The following CLDN16 variants were observed in gnomAD, a reference collection of about 807,000 sequenced individuals.
CLDN16 encodes the protein claudin-16.
A neutral mutation model predicts 24.6 loss-of-function variants in CLDN16; 13 were observed. That is an observed-to-expected ratio of 0.53 (90% confidence interval 0.34 to 0.84). The LOEUF is 0.84. CLDN16 is among the 40% of genes least tolerant of loss of function. The pLI is 0.01. For missense variants in CLDN16, 298 were observed against 292.7 expected, an observed-to-expected ratio of 1.02 and a Z score of -0.13; for synonymous variants, 116 against 106.7, an observed-to-expected ratio of 1.09 and a Z score of -0.54.
chr3:190,364,897 T>C (rs1717984538), intron 1 of CLDN16, among the ~76,000 whole-genome samples: 1 of 151,682 alleles, frequency 6.6e-6, no homozygotes, highest in African/African-American at 2.4e-5. Context: ...TTCGCTGACA[T>C]GGCAGACCCC....
chr3:190,388,075 C>G (rs1047717394), upstream of CLDN16: 2 of 1,579,112 alleles, frequency 1.3e-6, no homozygotes, highest in African/African-American at 2.7e-5. Flanking sequence ...ACACTCAGCC[C>G]TTGCACTGAC....
chr3:190,347,251 T>C (rs1577404027), intron 1 of CLDN16, among the ~76,000 whole-genome samples: 3 of 152,158 alleles, frequency 2.0e-5, no homozygotes. Context: ...GTAGACTCAA[T>C]AACATTTGTT....
intron 1 of CLDN16, among the ~76,000 whole-genome samples, chr3:190,341,276 C>A (rs143996187): frequency 0.013 from 2,011 of 152,332 alleles, 48 homozygotes; most frequent in African/African-American, 0.043. Context: ...GACCCCACCC[C>A]TGTAGCAAAC....
the CLDN16 span, among the ~76,000 whole-genome samples, chr3:190,296,285 C>T: frequency 1.3e-5 from 2 of 152,064 alleles, no homozygotes; most frequent in Non-Finnish European, 2.9e-5. Flanking sequence ...TTCTGTCATT[C>T]TTGTCATGTT....
chr3:190,297,245 T>G, the CLDN16 span, among the ~76,000 whole-genome samples: 6 of 151,678 alleles, frequency 4.0e-5, no homozygotes, highest in African/African-American at 1.5e-4. Context: ...TCTTTTTAGA[T>G]AAAAAGTCAC....
At chr3:190,387,553 T>C (rs1390666063), upstream of CLDN16, among the ~76,000 whole-genome samples, 2 of 152,192 alleles carry the variant, frequency 1.3e-5, no homozygotes, top group African/African-American at 4.8e-5. Context: ...AAAATATTAA[T>C]ACATGCATTT....
chr3:190,320,309 G>A (rs1165858560), upstream of CLDN16, among the ~76,000 whole-genome samples: 1 of 152,144 alleles, frequency 6.6e-6, no homozygotes, highest in Non-Finnish European at 1.5e-5. Flanking sequence ...CTGACAGTGA[G>A]ACCTCTCTGG....
intron 1 of CLDN16, among the ~76,000 whole-genome samples, chr3:190,362,803 GGGTAGGCTACT>G (rs2108642370): frequency 6.6e-6 from 1 of 152,002 alleles, no homozygotes; most frequent in Non-Finnish European, 1.5e-5. Flanking sequence ...CTGTTAATAA[GGGTAGGCTACT>G]GTATTTATAT....
chr3:190,345,400 T>C (rs773052631), intron 1 of CLDN16, among the ~76,000 whole-genome samples: 13 of 152,306 alleles, frequency 8.5e-5, no homozygotes, highest in African/African-American at 1.9e-4. Context: ...ACTGCACTTA[T>C]GGAATTTGAG....
chr3:190,392,463 G>C (rs531552627), intron 1 of CLDN16, among the ~76,000 whole-genome samples: 1 of 151,938 alleles, frequency 6.6e-6, no homozygotes, highest in East Asian at 1.9e-4. Flanking sequence ...CACCATGGTG[G>C]GTACATGGTT....
At chr3:190,335,875 A>G (rs1717292946) in intron 1 of CLDN16, among the ~76,000 whole-genome samples, 1 of 152,268 alleles carries the variant, frequency 6.6e-6, no homozygotes, top group African/African-American at 2.4e-5. Flanking sequence ...CAGACTCTAA[A>G]GATTTAATTC....
chr3:190,298,050 A>C, the CLDN16 span, among the ~76,000 whole-genome samples: 2 of 152,124 alleles, frequency 1.3e-5, no homozygotes, highest in African/African-American at 4.8e-5. Flanking sequence ...TGAGACATAA[A>C]AATAGAGGAA....
chr3:190,382,761 C>A (rs1718399632), intron 3 of CLDN16, among the ~76,000 whole-genome samples: 1 of 152,174 alleles, frequency 6.6e-6, no homozygotes, highest in Admixed American at 6.6e-5. Flanking sequence ...CACGTTTGCT[C>A]TGTTCCCTTT....
intron 1 of CLDN16, among the ~76,000 whole-genome samples, chr3:190,401,968 T>G (rs955376911): frequency 1.3e-5 from 2 of 152,096 alleles, no homozygotes; most frequent in African/African-American, 4.8e-5. Context: ...TATATATATT[T>G]TTTGGTGAGT....
intron 4 of CLDN16, among the ~76,000 whole-genome samples, chr3:190,409,299 T>TATATGTATGTATATATTCACACATGC (rs1560100214): frequency 1.9e-4 from 29 of 151,662 alleles, no homozygotes; most frequent in African/African-American, 6.8e-4. Flanking sequence ...TGCACACATG[T>TATATGTATGTATATATTCACACATGC]ATATGTATGT....
chr3:190,365,134 A>C (rs1458060271), intron 1 of CLDN16, among the ~76,000 whole-genome samples: 1 of 151,770 alleles, frequency 6.6e-6, no homozygotes, highest in Non-Finnish European at 1.5e-5. Context: ...TCTATTAACT[A>C]TCTTCACAGG....
At chr3:190,337,995 G>A (rs533401405) in intron 1 of CLDN16, among the ~76,000 whole-genome samples, 2 of 152,294 alleles carry the variant, frequency 1.3e-5, no homozygotes, top group Admixed American at 6.5e-5. Context: ...GATGATGCCT[G>A]TAGATGGAGA....
upstream of CLDN16, chr3:190,322,531 G>A: frequency 2.9e-6 from 1 of 346,430 alleles, no homozygotes; most frequent in Non-Finnish European, 5.4e-6. Context: ...CGGTTTCAGG[G>A]CGGCTCACCG....
At position 190,350,344 on chromosome 3, in the gene CLDN16, T is replaced by TATATATATATATATA. The variant is rs1560085135; in HGVS notation, n.122-20549_122-20548insATATATATATATATA. ...AGTTTAAGAATCATAGTTCATAATGTTATATATATATATATATATATACTT... is the reference window on the plus strand; with the variant it reads ...AGTTTAAGAATCATAGTTCATAATGTATATATATATATATATATATATATATATATATATATACTT... On this transcript the variant is annotated intron_variant and non_coding_transcript_variant, in intron 1 of 4. Transcript: ENST00000468220. Among the ~76,000 whole-genome samples, 978 of 141,990 alleles carry TATATATATATATATA rather than the reference T, an allele frequency of 6.9e-3. 18 individuals are homozygous for TATATATATATATATA. Among genetic ancestry groups the TATATATATATATATA allele is most frequent in the Middle Eastern group, 0.027 (7 of 262 alleles). 93.2% of individuals were successfully genotyped at this position (141,990 alleles called of 152,430 possible).
Sources: allele counts gnomAD v4.1 joint callset (sites outside exome capture counted in the v4.1 genomes callset), GRCh38; gene constraint gnomAD v4.1.1; transcripts MANE v1.5; gene names NCBI Gene and HGNC (gene_info 2026-07-23, HGNC 2026-07-21).